The following SLC35F3 variants were observed in gnomAD, a reference collection of about 807,000 sequenced individuals.
The protein encoded by SLC35F3 is putative thiamine transporter SLC35F3.
In SLC35F3, 25 loss-of-function variants were observed where a neutral mutation model predicts 49.9. That is an observed-to-expected ratio of 0.50 (90% CI 0.37 to 0.70). The LOEUF (loss-of-function observed/expected upper bound fraction) is 0.70. SLC35F3 is among the 30% of genes least tolerant of loss of function. SLC35F3 has a pLI of 0.00. For synonymous variants in SLC35F3, 275 were observed against 265.4 expected (o/e 1.04, Z -0.35); for missense variants, 525 against 639.8 (o/e 0.82, Z 1.94).
At chr1:234,060,012 A>G (rs1380318691) in intron 2 of SLC35F3, among the ~76,000 whole-genome samples, 1 of 152,238 alleles carries the variant, frequency 6.6e-6, no homozygotes, top group South Asian at 2.1e-4. Flanking sequence ...ACCCAAGATC[A>G]ATATTGCATC....
intron 2 of SLC35F3, among the ~76,000 whole-genome samples, chr1:234,207,361 C>A (rs890369526): frequency 3.1e-5 from 1 of 32,142 alleles, no homozygotes; most frequent in Admixed American, 3.0e-4. Context: ...TAATAGACTG[C>A]CTCCATCCTT....
chr1:234,173,423 G>C (rs1241288902), intron 2 of SLC35F3, among the ~76,000 whole-genome samples: 4 of 152,218 alleles, frequency 2.6e-5, no homozygotes, highest in Admixed American at 2.6e-4. Context: ...GAGCTAGTTA[G>C]GAGTTCAGCC....
At chr1:234,041,982 T>C (rs774564255) in intron 2 of SLC35F3, among the ~76,000 whole-genome samples, 38 of 152,282 alleles carry the variant, frequency 2.5e-4, no homozygotes, top group Middle Eastern at 3.4e-3. Flanking sequence ...GTCCCCCTTA[T>C]GGCATCAGTG....
intron 2 of SLC35F3, among the ~76,000 whole-genome samples, chr1:233,962,648 G>GTCCTCA (rs1222717921): frequency 3.3e-5 from 5 of 152,304 alleles, no homozygotes; most frequent in African/African-American, 1.2e-4. Context: ...TTTGTACCTT[G>GTCCTCA]AGGAGTTGCT....
At chr1:234,092,186 A>AG (rs1348604343) in intron 2 of SLC35F3, among the ~76,000 whole-genome samples, 1 of 152,228 alleles carries the variant, frequency 6.6e-6, no homozygotes, top group African/African-American at 2.4e-5. Flanking sequence ...ACATTCTGCC[A>AG]GGTTATAGGC....
chr1:234,178,805 A>G (rs1261703994), intron 2 of SLC35F3, among the ~76,000 whole-genome samples: 1 of 152,148 alleles, frequency 6.6e-6, no homozygotes, highest in Non-Finnish European at 1.5e-5. Flanking sequence ...CCTAGTTTAC[A>G]TTATGGTTCA....
intron 2 of SLC35F3, among the ~76,000 whole-genome samples, chr1:233,987,151 G>C (rs374578345): frequency 2.0e-5 from 3 of 152,052 alleles, no homozygotes; most frequent in African/African-American, 7.2e-5. Flanking sequence ...TTAGCCAGGC[G>C]TGGTGGCACA....
At chr1:234,289,441 C>A (rs955848438) in intron 3 of SLC35F3, among the ~76,000 whole-genome samples, 12 of 152,194 alleles carry the variant, frequency 7.9e-5, no homozygotes, top group African/African-American at 2.9e-4. Flanking sequence ...TCCCACCTTA[C>A]TGGAAATATG....
intron 2 of SLC35F3, among the ~76,000 whole-genome samples, chr1:234,128,877 G>A (rs913261500): frequency 6.6e-6 from 1 of 152,104 alleles, no homozygotes; most frequent in South Asian, 2.1e-4. Context: ...GTAACTTGGG[G>A]GCCAGGTTCT....
At chr1:233,955,473 A>G (rs1272946484) in intron 2 of SLC35F3, among the ~76,000 whole-genome samples, 2 of 152,078 alleles carry the variant, frequency 1.3e-5, no homozygotes, top group African/African-American at 2.4e-5. Context: ...CAACCTGCAT[A>G]TCTAATTGGT....
chr1:234,259,117 C>T (rs921519743), intron 3 of SLC35F3, among the ~76,000 whole-genome samples: 2 of 152,198 alleles, frequency 1.3e-5, no homozygotes, highest in Admixed American at 6.5e-5. Context: ...TAATAGCTGT[C>T]TTCAGACCTT....
intron 2 of SLC35F3, among the ~76,000 whole-genome samples, chr1:234,158,234 A>G (rs774755972): frequency 4.6e-5 from 7 of 152,226 alleles, no homozygotes; most frequent in Non-Finnish European, 7.3e-5. Flanking sequence ...ACTAATCTGC[A>G]TAATTATTTC....
At chr1:234,091,698 G>T (rs1281131067) in intron 2 of SLC35F3, among the ~76,000 whole-genome samples, 1 of 152,140 alleles carries the variant, frequency 6.6e-6, no homozygotes. Flanking sequence ...TGGAAAGGAT[G>T]GTATTTATAT....
At position 234,068,866 on chromosome 1, in the gene SLC35F3, A is replaced by T. The variant is rs147250894; in HGVS notation, c.284-162551A>T. On this transcript the variant is annotated intron_variant, in intron 2 of 7. Transcript: ENST00000366618. ...ATATATATATATATATGGCATATTT[A>T]TATATATTTTACATATTTTTTATAT... Among the ~76,000 whole-genome samples the T allele has an allele frequency of 4.9e-3, 497 of 102,066 alleles. 48 individuals are homozygous for T. The highest frequency in any genetic ancestry group is 0.044 in the East Asian group (132 of 2,988). The allele number at this position is 102,066 out of a possible 152,430, so 67.0% of individuals were successfully genotyped here. A position where few individuals can be genotyped will look rare whatever the true frequency, so the allele number is the denominator to read the frequency against.
At position 233,953,864 on chromosome 1, in the gene SLC35F3, G is replaced by A. The variant is rs186416747; in HGVS notation, c.283+48106G>A. Among the ~76,000 whole-genome samples the A allele has an allele frequency of 2.8e-3, 425 of 152,284 alleles. 3 individuals carry two copies. Among genetic ancestry groups the A allele is most frequent in the African/African-American group, 1.0e-2 (415 of 41,540 alleles). On this transcript the variant is annotated intron_variant, in intron 2 of 7. Coordinates refer to ENST00000366618, the MANE Select transcript of SLC35F3 (RefSeq NM_173508.4). Reference sequence around the variant, plus strand: ...TGCAGCATCAAAAAGGAAAAGAAATGTGTAGACCATGGGAGCAACAGTAAG... The same window carrying A: ...TGCAGCATCAAAAAGGAAAAGAAATATGTAGACCATGGGAGCAACAGTAAG...
intron 2 of SLC35F3, among the ~76,000 whole-genome samples, chr1:234,222,605 A>G (rs1018306621): frequency 6.6e-6 from 1 of 152,240 alleles, no homozygotes; most frequent in Admixed American, 6.5e-5. Flanking sequence ...TGGCCACTTC[A>G]CAGGAGAAGG....
At chr1:233,969,158 A>G (rs1266443197) in intron 2 of SLC35F3, among the ~76,000 whole-genome samples, 2 of 152,128 alleles carry the variant, frequency 1.3e-5, no homozygotes, top group Non-Finnish European at 2.9e-5. Flanking sequence ...CTTTTTTGCA[A>G]TTCTCATCTT....
At chr1:234,070,367 G>A (rs1664695027) in intron 2 of SLC35F3, among the ~76,000 whole-genome samples, 1 of 152,086 alleles carries the variant, frequency 6.6e-6, no homozygotes, top group Non-Finnish European at 1.5e-5. Context: ...TAGAAAACAT[G>A]GTTTTTATGC....
intron 2 of SLC35F3, among the ~76,000 whole-genome samples, chr1:234,143,288 C>CTTTTCTTTTTTTTTTTTTTTTTTTTTTT (rs1478216426): frequency 8.1e-6 from 1 of 123,564 alleles, no homozygotes; most frequent in Non-Finnish European, 1.6e-5. Context: ...CTTTTCTTTT[C>CTTTTCTTTTTTTTTTTTTTTTTTTTTTT]TTTTTTTTTT....
Sources: allele counts gnomAD v4.1 joint callset (sites outside exome capture counted in the v4.1 genomes callset), GRCh38; gene constraint gnomAD v4.1.1; transcripts MANE v1.5; gene names NCBI Gene and HGNC (gene_info 2026-07-23, HGNC 2026-07-21).